Variants in DGKD observed in about 807,000 individuals in gnomAD.
DGKD encodes DAG kinase delta.
Under a neutral mutation model 154.4 loss-of-function variants are expected in DGKD, and 68 were observed. The observed-to-expected ratio is 0.44, with a 90% CI of 0.36 to 0.54. The LOEUF is 0.54. Ranked by LOEUF, DGKD falls within the 20% of genes least tolerant of loss-of-function variation. DGKD has a pLI of 0.00. For synonymous variants in DGKD, 693 were observed against 638.0 expected (o/e 1.09, Z -1.30); for missense variants, 1,343 against 1,593.6 (o/e 0.84, Z 2.68).
chr2:233,453,235 C>T (rs1028342124), intron 18 of DGKD, among the ~76,000 whole-genome samples: 3 of 152,056 alleles, frequency 2.0e-5, no homozygotes, highest in Non-Finnish European at 4.4e-5. Flanking sequence ...GTGCCTGGGC[C>T]GTATTGTGTG....
At chr2:233,460,103 A>G in intron 23 of DGKD, 91 bp from the exon 24 acceptor site, 1 of 1,531,006 alleles carries the variant, frequency 6.5e-7, no homozygotes, top group Non-Finnish European at 8.8e-7. Flanking sequence ...GTCTCTTTCT[A>G]GTTGTGATCT....
Position 233,415,827 on chromosome 2 carries a change from T to C in DGKD, c.349-18553T>C, listed in dbSNP as rs947584033. 3.3e-5 allele frequency among the ~76,000 whole-genome samples: 5 copies of C among 152,240 alleles called. No individual in the cohort carries two copies. The East Asian group carries it at 9.7e-4, about 29-fold the overall frequency. ...TTTTTGTAGAAACAGGGTCTCACTG[T>C]GTTGCCCAGGCTGGTCTTGAACACC... On this transcript the variant is annotated intron_variant, in intron 3 of 29. Coordinates refer to ENST00000264057, the MANE Select transcript of DGKD (RefSeq NM_152879.3).
At position 233,462,222 on chromosome 2, in the gene DGKD, C is replaced by T. The variant is rs756477130; in HGVS notation, c.2982-126C>T. The T allele has an allele frequency of 7.9e-5, 55 of 693,564 alleles. 1 individual carries two copies. The highest frequency in any genetic ancestry group is 1.2e-4 in the Non-Finnish European group (48 of 414,798). 43.0% of individuals were successfully genotyped at this position (693,564 alleles called of 1,614,324 possible). On this transcript the variant is annotated intron_variant, in intron 24 of 29. Transcript: ENST00000264057. ...CGCTGGGCTGAGCCACGATCCCTGT[C>T]GTCCTGCTGGGCCTGCCCTCCACAT...
At chr2:233,461,553 C>A (rs569159366) in intron 24 of DGKD, among the ~76,000 whole-genome samples, 3 of 152,276 alleles carry the variant, frequency 2.0e-5, no homozygotes, top group Admixed American at 1.3e-4. Context: ...TCCCCCACCC[C>A]ACCCAGATCA....
intron 3 of DGKD, among the ~76,000 whole-genome samples, chr2:233,433,142 T>C (rs969593451): frequency 3.9e-5 from 6 of 152,210 alleles, no homozygotes; most frequent in Non-Finnish European, 8.8e-5. Context: ...TCTGCACTCA[T>C]GTGATTATAG....
Position 233,451,142 on chromosome 2 carries a change from A to G in DGKD, c.2167+92A>G, listed in dbSNP as rs2063275803. 4 of 1,176,330 alleles carry G rather than the reference A, an allele frequency of 3.4e-6. No homozygotes were observed. In the African/African-American group the frequency reaches 6.4e-5, roughly 19 times the overall value. 72.9% of individuals were successfully genotyped at this position (1,176,330 alleles called of 1,614,324 possible). A position where few individuals can be genotyped will look rare whatever the true frequency, so the allele number is the denominator to read the frequency against. On this transcript the variant is annotated intron_variant, in intron 17 of 29. Transcript: ENST00000264057. ...AGAGATGGGCTCGCTGCCCTCGGAGAGTTTACAGGCCCCTGAGAAAGATAG... is the reference window on the plus strand; with the variant it reads ...AGAGATGGGCTCGCTGCCCTCGGAGGGTTTACAGGCCCCTGAGAAAGATAG...
At chr2:233,370,165 C>G (rs993468511) in intron 1 of DGKD, among the ~76,000 whole-genome samples, 1 of 152,102 alleles carries the variant, frequency 6.6e-6, no homozygotes, top group African/African-American at 2.4e-5. Context: ...CTGACAACCA[C>G]TAATCTGCTT....
Position 233,414,798 on chromosome 2 carries a change from C to A in DGKD, c.349-19582C>A, listed in dbSNP as rs2061919014. 3.3e-5 allele frequency among the ~76,000 whole-genome samples: 5 copies of A among 152,246 alleles called. 1 individual carries two copies. In the South Asian group the frequency reaches 1.0e-3, roughly 32 times the overall value. On this transcript the variant is annotated intron_variant, in intron 3 of 29. Coordinates refer to ENST00000264057, the MANE Select transcript of DGKD (RefSeq NM_152879.3). ...GTTTTGGGGGAGAGAAGATGACTGC[C>A]CTTCCATCCTGCAGGTGGATTGGCT... is the stretch of plus-strand genomic sequence containing the variant.
At chr2:233,418,416 A>C (rs2062016754) in intron 3 of DGKD, among the ~76,000 whole-genome samples, 1 of 152,220 alleles carries the variant, frequency 6.6e-6, no homozygotes, top group Non-Finnish European at 1.5e-5. Context: ...AACATAACTC[A>C]AGCTTAATGA....
chr2:233,419,304 C>T (rs887694208), intron 3 of DGKD: 45 of 985,450 alleles, frequency 4.6e-5, no homozygotes, highest in African/African-American at 2.3e-4. Context: ...TGCTCTACTT[C>T]GTAATCTGTA....
At position 233,364,359 on chromosome 2, in the gene DGKD, G is replaced by A. The variant is rs188271580; in HGVS notation, c.156+9685G>A. On this transcript the variant is annotated intron_variant, in intron 1 of 29. Transcript: ENST00000264057. ...CTAAAGGAAAATGCTCAAGTTAAGC[G>A]TTAGAGTTACAGGAAGGAATAGAGA... is the stretch of plus-strand genomic sequence containing the variant. Among the ~76,000 whole-genome samples, 480 of 152,320 alleles carry A rather than the reference G, an allele frequency of 3.2e-3. 2 individuals carry two copies. Among genetic ancestry groups the A allele is most frequent in the Middle Eastern group, 3.4e-3 (1 of 294 alleles).
chr2:233,386,228 A>ATGG, intron 1 of DGKD: 3 of 327,038 alleles, frequency 9.2e-6, no homozygotes, highest in Non-Finnish European at 1.8e-5. Flanking sequence ...AGGAAGATGA[A>ATGG]TGGGGGGCCA....
chr2:233,463,006 T>C (rs959529446), intron 26 of DGKD, among the ~76,000 whole-genome samples: 4 of 152,178 alleles, frequency 2.6e-5, no homozygotes, highest in African/African-American at 9.7e-5. Context: ...TAGAAGCCTG[T>C]AGTGCAGAGT....
At chr2:233,463,233 T>C (rs2063707357) in intron 26 of DGKD, among the ~76,000 whole-genome samples, 1 of 151,938 alleles carries the variant, frequency 6.6e-6, no homozygotes, top group Non-Finnish European at 1.5e-5. Flanking sequence ...AGGTGTGGTT[T>C]CCCAGCCCTC....
At chr2:233,393,866 G>A (rs917668220) in intron 3 of DGKD, among the ~76,000 whole-genome samples, 1 of 151,654 alleles carries the variant, frequency 6.6e-6, no homozygotes, top group African/African-American at 2.4e-5. Context: ...ATTTTTAGTG[G>A]AGACAGGGTT....
intron 1 of DGKD, chr2:233,386,118 A>T: frequency 3.0e-6 from 1 of 337,874 alleles, no homozygotes; most frequent in South Asian, 2.2e-5. Context: ...TCCTTTAAAG[A>T]TAACTTATAA....
At chr2:233,375,695 A>G (rs972322324) in intron 1 of DGKD, among the ~76,000 whole-genome samples, 4 of 152,022 alleles carry the variant, frequency 2.6e-5, no homozygotes, top group Admixed American at 1.3e-4. Flanking sequence ...CAAGTTTCCA[A>G]AGCGCCCTGT....
rs2062883517 is a variant in DGKD, at chr2:233,441,437, G to A, written c.1086-450G>A. On this transcript the variant is annotated intron_variant, in intron 9 of 29. Coordinates refer to ENST00000264057, the MANE Select transcript of DGKD (RefSeq NM_152879.3). This position sits in a 1 kb window ranked among gnomAD's most constrained non-coding sequence, Gnocchi z 5.6. Reference sequence around the variant, plus strand: ...GGAGTGCCAAGACTGAGGGTGCAGGGTGATGCAGGCAGCCCAGAGGGCATG... The same window carrying A: ...GGAGTGCCAAGACTGAGGGTGCAGGATGATGCAGGCAGCCCAGAGGGCATG... Among the ~76,000 whole-genome samples, 1 of 152,206 alleles carries A rather than the reference G, an allele frequency of 6.6e-6. No individual in the cohort carries two copies. The highest frequency in any genetic ancestry group is 6.5e-5 in the Admixed American group (1 of 15,288).
chr2:233,421,605 C>T (rs987033611), intron 3 of DGKD, among the ~76,000 whole-genome samples: 2 of 152,170 alleles, frequency 1.3e-5, no homozygotes, highest in Non-Finnish European at 2.9e-5. Context: ...CCACGCACCA[C>T]GCGCCTGCTT....
Sources: allele counts gnomAD v4.1 joint callset (sites outside exome capture counted in the v4.1 genomes callset), GRCh38; gene constraint gnomAD v4.1.1; non-coding constraint Gnocchi (gnomAD v3.1); transcripts MANE v1.5; gene names NCBI Gene and HGNC (gene_info 2026-07-23, HGNC 2026-07-21).